Variants in CNGB1 observed in about 807,000 individuals in gnomAD.
The protein encoded by CNGB1 is cyclic nucleotide-gated channel beta-1.
A neutral mutation model predicts 151.7 loss-of-function variants in CNGB1; 126 were observed. The ratio of observed to expected loss-of-function variants is 0.83; its 90% CI spans 0.72 to 0.96. The LOEUF is 0.96. CNGB1 is among the 40% of genes least tolerant of loss of function. The pLI, the probability that CNGB1 is intolerant of heterozygous loss-of-function variation, is 0.00. For synonymous variants in CNGB1, 623 were observed against 635.1 expected (o/e 0.98, Z 0.29); for missense variants, 1,698 against 1,627.0 (o/e 1.04, Z -0.75).
chr16:57,919,198 G>C lies in CNGB1; in HGVS notation c.1858C>G (p.Pro620Ala). 1.2e-6 allele frequency: 2 copies of C among 1,614,222 alleles called. No individual in the cohort carries two copies. The highest frequency in any genetic ancestry group is 1.7e-6 in the Non-Finnish European group (2 of 1,180,038). Reference protein sequence around the residue: ...APDTKPAEAEPVEEEHYCDML... With the variant: ...APDTKPAEAEAVEEEHYCDML... ...TCGCAATAGTGCTCCTCTTCCACTGGCTCGGCTTCAGCGGGCTTTGTGTCT... is the reference window on the plus strand; with the variant it reads ...TCGCAATAGTGCTCCTCTTCCACTGCCTCGGCTTCAGCGGGCTTTGTGTCT... Residue 620 changes from proline (P) to alanine (A), a missense_variant, in exon 20 of 33, where the codon CCA becomes GCA. Pro to Ala is a conservative substitution (Grantham distance 27). Transcript: ENST00000251102.
At position 57,916,123 on chromosome 16, in the gene CNGB1, A is replaced by T. The variant is rs775546480; in HGVS notation, c.2217+6T>A. 7 of 1,613,994 alleles carry T rather than the reference A, an allele frequency of 4.3e-6. No homozygotes were observed. The South Asian group carries it at 6.6e-5, about 15-fold the overall frequency. Reference sequence around the variant, plus strand: ...AGACGCTAAACCTTGCATGCCCGGCACACACCTTGAAGCGGCGAGACTTCA... The same window carrying T: ...AGACGCTAAACCTTGCATGCCCGGCTCACACCTTGAAGCGGCGAGACTTCA... On this transcript the variant is annotated splice_donor_region_variant and intron_variant, in intron 22 of 32. Coordinates refer to ENST00000251102, the MANE Select transcript of CNGB1 (RefSeq NM_001297.5).
At chr16:57,913,034 T>C (rs755046010) in intron 23 of CNGB1, 40 bp from the exon 24 acceptor site, 4 of 1,605,154 alleles carry the variant, frequency 2.5e-6, no homozygotes, top group Non-Finnish European at 3.4e-6. Context: ...CCACCGGCCA[T>C]AGGTAGCATG....
intron 14 of CNGB1, among the ~76,000 whole-genome samples, chr16:57,947,584 C>A (rs1961841157): frequency 6.6e-6 from 1 of 152,204 alleles, no homozygotes; most frequent in African/African-American, 2.4e-5. Context: ...CATGGACAGC[C>A]TTTGAGAGGT....
chr16:57,928,503 A>G (rs1480959341), intron 17 of CNGB1, among the ~76,000 whole-genome samples: 2 of 152,240 alleles, frequency 1.3e-5, no homozygotes, highest in Non-Finnish European at 2.9e-5. Context: ...CCCTCCTCCA[A>G]TTAAAACCAT....
At chr16:57,942,793 G>A (rs1481131125) in intron 14 of CNGB1, among the ~76,000 whole-genome samples, 4 of 151,716 alleles carry the variant, frequency 2.6e-5, no homozygotes, top group African/African-American at 9.7e-5. Flanking sequence ...AGCCTGGGAG[G>A]TGGAGGCTGC....
intron 16 of CNGB1, among the ~76,000 whole-genome samples, chr16:57,938,734 G>T (rs1961577714): frequency 6.6e-6 from 1 of 152,184 alleles, no homozygotes; most frequent in South Asian, 2.1e-4. Flanking sequence ...AAGACCCATT[G>T]CGTGGGGAAT....
intron 16 of CNGB1, among the ~76,000 whole-genome samples, chr16:57,939,184 C>T (rs774605368): frequency 2.0e-5 from 3 of 152,044 alleles, no homozygotes; most frequent in African/African-American, 2.4e-5. Context: ...ATTTCCCCGG[C>T]GCCACTGGGA....
At chr16:57,934,992 G>A (rs1411390385) in intron 16 of CNGB1, among the ~76,000 whole-genome samples, 1 of 148,002 alleles carries the variant, frequency 6.8e-6, no homozygotes, top group Non-Finnish European at 1.5e-5. Context: ...GTTGCAGTGA[G>A]CCAAGATCGC....
intron 14 of CNGB1, chr16:57,946,372 G>C (rs1410939235): frequency 6.6e-5 from 10 of 152,590 alleles, no homozygotes; most frequent in African/African-American, 2.4e-4. Context: ...TTAGGGAGAG[G>C]CAGCCACCTA....
intron 14 of CNGB1, 41 bp from the exon 15 acceptor site, chr16:57,940,362 T>C: frequency 6.5e-7 from 1 of 1,545,862 alleles, no homozygotes. Flanking sequence ...AAGGACTGGG[T>C]TAGGGTGTTA....
rs1043764898 is a variant in CNGB1, at chr16:57,884,977, C to G, written c.3463-520G>C. On this transcript the variant is annotated intron_variant, in intron 32 of 32. Transcript: ENST00000251102. ...TCAAAGGTTGAGATCCTCAGGGATA[C>G]CCTGGGGCTGGGTACCCCTGCTATT... Among the ~76,000 whole-genome samples the G allele has an allele frequency of 5.9e-5, 9 of 152,312 alleles. No individual in the cohort carries two copies. In the East Asian group the frequency reaches 1.7e-3, roughly 29 times the overall value.
intron 16 of CNGB1, among the ~76,000 whole-genome samples, chr16:57,933,729 T>A (rs1961425625): frequency 6.7e-6 from 1 of 149,542 alleles, no homozygotes; most frequent in African/African-American, 2.4e-5. Flanking sequence ...CTTTTCTTTT[T>A]TTTTTTTTTT....
At position 57,964,174 on chromosome 16, in the gene CNGB1, G is replaced by A. The variant is rs1249776752; in HGVS notation, c.246C>T (p.Thr82=). 6.2e-7 allele frequency: 1 copy of A among 1,614,062 alleles called. No homozygotes were observed. The highest frequency in any genetic ancestry group is 8.5e-7 in the Non-Finnish European group (1 of 1,180,028). ...QETKEAALTS[T]ISLRAQGAEI... ...CAGCGCCCTGGGCCCGGAGGGATAT[G>A]GTGGAAGTAAGGGCAGCCTCCTTGG... Residue 82 remains threonine (T), a synonymous_variant, in exon 4 of 33, where the codon ACC becomes ACT. Coordinates refer to ENST00000251102, the MANE Select transcript of CNGB1 (RefSeq NM_001297.5).
intron 14 of CNGB1, among the ~76,000 whole-genome samples, chr16:57,941,203 G>T (rs893704059): frequency 3.3e-5 from 5 of 152,206 alleles, no homozygotes; most frequent in African/African-American, 9.7e-5. Flanking sequence ...GGGTTAAAAT[G>T]ATGACTCAGG....
At chr16:57,915,667 G>A (rs1049695301) in intron 22 of CNGB1, among the ~76,000 whole-genome samples, 20 of 152,188 alleles carry the variant, frequency 1.3e-4, no homozygotes, top group African/African-American at 4.8e-4. Context: ...GGGAGGCCAA[G>A]GCAGGCAGAT....
intron 19 of CNGB1, 131 bp from the exon 20 acceptor site, chr16:57,919,385 C>A: frequency 1.9e-6 from 3 of 1,544,448 alleles, no homozygotes; most frequent in Non-Finnish European, 1.8e-6. Flanking sequence ...CAAGCTACTG[C>A]AAGCTCTGTG....
At chr16:57,912,831 T>C in intron 24 of CNGB1, 99 bp downstream of exon 24, 1 of 1,205,884 alleles carries the variant, frequency 8.3e-7, no homozygotes, top group Non-Finnish European at 1.2e-6. Context: ...CGTGTGTGTG[T>C]TGTGTGTGTG....
chr16:57,895,974 T>C (rs1960213584), intron 31 of CNGB1, among the ~76,000 whole-genome samples: 1 of 152,128 alleles, frequency 6.6e-6, no homozygotes, highest in Non-Finnish European at 1.5e-5. Flanking sequence ...GAGAAATGAA[T>C]AAACAAATGG....
At position 57,939,830 on chromosome 16, in the gene CNGB1, T is replaced by C. The variant is rs534036514; in HGVS notation, c.1210-238A>G. Among the ~76,000 whole-genome samples the C allele has an allele frequency of 2.0e-5, 3 of 152,312 alleles. No homozygotes were observed. The South Asian group carries it at 6.2e-4, about 32-fold the overall frequency. On this transcript the variant is annotated intron_variant, in intron 15 of 32. Transcript: ENST00000251102. ...TAACAGCTGGACGTGTCACCTGTGA[T>C]GAGGGACACTCGCAGCCTGGCACAT...
Sources: gnomAD v4.1 joint callset for allele counts (sites outside exome capture counted in the v4.1 genomes callset) on GRCh38, gnomAD v4.1.1 for gene constraint, MANE v1.5 for transcripts, NCBI Gene and HGNC (gene_info 2026-07-23, HGNC 2026-07-21) for gene names.